Variants in RP1L1 observed in about 807,000 individuals in gnomAD.
RP1L1 encodes RP1 like 1, also known as retinitis pigmentosa 1-like 1 protein.
In RP1L1, 27 loss-of-function variants were observed where a neutral mutation model predicts 15.7. The ratio of observed to expected loss-of-function variants is 1.72; its 90% CI spans 1.27 to 2.38. The LOEUF (loss-of-function observed/expected upper bound fraction) is 2.38. RP1L1 is among the 30% of genes most tolerant of loss of function. The pLI is 0.00. For missense variants in RP1L1, 4,798 were observed against 3,075.9 expected (o/e 1.56, Z -13.24); for synonymous variants, 1,813 against 1,276.7 (o/e 1.42, Z -8.96).
chr8:10,653,270 G>A (rs1445118703), intron 1 of RP1L1, among the ~76,000 whole-genome samples: 1 of 152,198 alleles, frequency 6.6e-6, no homozygotes, highest in Non-Finnish European at 1.5e-5. Flanking sequence ...TGAGAAAGCT[G>A]TTGAACACTG....
At chr8:10,630,550 C>A (rs1447210048) in intron 1 of RP1L1, among the ~76,000 whole-genome samples, 2 of 152,210 alleles carry the variant, frequency 1.3e-5, no homozygotes, top group African/African-American at 4.8e-5. Context: ...GAGGGTTTCA[C>A]TTTCACTTTC....
chr8:10,621,651 G>T (rs1305601122), intron 2 of RP1L1: 6 of 460,950 alleles, frequency 1.3e-5, no homozygotes, highest in South Asian at 3.1e-5. Context: ...AGTATTGGTG[G>T]AATGGTGCAT....
At chr8:10,614,072 C>G (rs1245589902) in intron 3 of RP1L1, among the ~76,000 whole-genome samples, 1 of 152,204 alleles carries the variant, frequency 6.6e-6, no homozygotes, top group Admixed American at 6.5e-5. Context: ...CGAGAGATGG[C>G]AGACTTGGCA....
intron 1 of RP1L1, among the ~76,000 whole-genome samples, chr8:10,650,787 G>A (rs1320160529): frequency 1.3e-5 from 2 of 151,966 alleles, no homozygotes; most frequent in South Asian, 2.1e-4. Context: ...GGCTATTCTC[G>A]AACTCCTGAC....
rs1268740708 is a variant in RP1L1 at position 10,608,911 on chromosome 8, C to T, written c.5187G>A (p.Gly1729=). 6.2e-7 allele frequency: 1 copy of T among 1,614,076 alleles called. No homozygotes were observed. The highest frequency in any genetic ancestry group is 2.2e-5 in the East Asian group (1 of 44,864). The change falls in exon 4 of 4, where the codon GGG becomes GGA. Residue 1729 remains glycine (G), a synonymous_variant. Transcript: ENST00000382483. The part of the protein sequence containing the change: ...STRTVQGAEG[G]LGPGLSQGPG... The stretch of plus-strand genomic sequence containing the variant: ...GCCCCTGGCTCAGCCCCGGCCCCAG[C>T]CCTCCCTCAGCTCCCTGGACAGTCC...
chr8:10,630,096 C>T (rs964027539), intron 1 of RP1L1, among the ~76,000 whole-genome samples: 5 of 152,312 alleles, frequency 3.3e-5, no homozygotes, highest in Admixed American at 3.3e-4. Context: ...GTAGTCAAGT[C>T]AAGAGGGCTT....
At position 10,633,912 on chromosome 8, in the gene RP1L1, A is replaced by G. The variant is rs1348608298; in HGVS notation, c.-19-10692T>C. Among the ~76,000 whole-genome samples, 3 of 152,258 alleles carry G rather than the reference A, an allele frequency of 2.0e-5. 1 individual carries two copies. Among genetic ancestry groups the G allele is most frequent in the Admixed American group, 2.0e-4 (3 of 15,288 alleles). On this transcript the variant is annotated intron_variant, in intron 1 of 3. Transcript: ENST00000382483. ...GTTTTTCAGCTGAGAAAACCGATTG[A>G]CCGACGTGAGGGGAACCCAGGCTTC...
chr8:10,629,465 G>C (rs1414352213), intron 1 of RP1L1, among the ~76,000 whole-genome samples: 2 of 152,188 alleles, frequency 1.3e-5, no homozygotes, highest in Non-Finnish European at 2.9e-5. Context: ...GGGTGGTCCT[G>C]GTGGAACTGG....
chr8:10,620,174 C>T (rs2117219891), intron 2 of RP1L1, among the ~76,000 whole-genome samples: 1 of 152,300 alleles, frequency 6.6e-6, no homozygotes, highest in East Asian at 1.9e-4. Context: ...GCAAGCTATA[C>T]AGCGAATTCC....
chr8:10,648,820 T>A (rs1586004688), intron 1 of RP1L1, among the ~76,000 whole-genome samples: 1 of 152,216 alleles, frequency 6.6e-6, no homozygotes, highest in Admixed American at 6.5e-5. Context: ...GAATCAGACA[T>A]AATGTTCCCC....
Position 10,612,080 on chromosome 8 carries a change from T to C in RP1L1, c.2018A>G (p.Asp673Gly). The change falls in exon 4 of 4, where the codon GAC becomes GGC. Residue 673 changes from aspartate to glycine, a missense_variant. Asp to Gly is a moderately conservative substitution (Grantham distance 94). Transcript: ENST00000382483. ...GHPRHSHYRK[D>G]THSPLDSSVT... ...AGAGGAGTCCAGTGGGCTGTGGGTG[T>C]CCTTGCGGTAGTGAGAATGCCTGGG... 1.2e-6 allele frequency: 2 copies of C among 1,613,784 alleles called. No homozygotes were observed. Among genetic ancestry groups the C allele is most frequent in the Non-Finnish European group, 1.7e-6 (2 of 1,180,022 alleles).
At chr8:10,621,523 GC>G in intron 2 of RP1L1, 4 of 345,000 alleles carry the variant, frequency 1.2e-5, no homozygotes, top group South Asian at 8.8e-5. Context: ...ATAGGGTTTC[GC>G]CCTATTGGCC....
intron 1 of RP1L1, among the ~76,000 whole-genome samples, chr8:10,628,081 C>T (rs1382480886): frequency 6.6e-6 from 1 of 152,200 alleles, no homozygotes; most frequent in Non-Finnish European, 1.5e-5. Flanking sequence ...AACCCAGCTG[C>T]TTCTGGAGGT....
intron 1 of RP1L1, among the ~76,000 whole-genome samples, chr8:10,650,053 G>A (rs1408900797): frequency 6.6e-6 from 1 of 152,120 alleles, no homozygotes. Context: ...GCCAATGAGA[G>A]GATTCTGAGA....
At chr8:10,652,765 C>T (rs557812652) in intron 1 of RP1L1, among the ~76,000 whole-genome samples, 29 of 152,302 alleles carry the variant, frequency 1.9e-4, no homozygotes, top group African/African-American at 6.7e-4. Flanking sequence ...GCCCACGTCC[C>T]CCCTGATTCC....
chr8:10,608,568 C>T lies in RP1L1; in HGVS notation c.5530G>A (p.Ala1844Thr), dbSNP rs773601565. The change falls in exon 4 of 4, where the codon GCC (alanine) becomes ACC (threonine). Residue 1844 changes from alanine (A) to threonine (T), a missense_variant. Ala to Thr is a moderately conservative substitution (Grantham distance 58, BLOSUM62 0). Coordinates refer to ENST00000382483, the MANE Select transcript of RP1L1 (RefSeq NM_178857.6). ...GIEAPEAEGE[A>T]QPESEGVEAP... ...TCTACACCTTCTGACTCTGGCTGGG[C>T]CTCCCCTTCAGCCTCCGGGGCCTCT... The T allele has an allele frequency of 3.7e-6, 6 of 1,610,932 alleles. No homozygotes were observed. In the South Asian group the frequency reaches 6.6e-5, roughly 18 times the overall value.
At position 10,609,810 on chromosome 8, in the gene RP1L1, C is replaced by T. The variant is rs778932808; in HGVS notation, c.4288G>A (p.Glu1430Lys). Residue 1430 changes from glutamate to lysine, a missense_variant, in exon 4 of 4, where the codon GAG becomes AAG. Glu to Lys is a moderately conservative substitution (Grantham distance 56). Transcript: ENST00000382483. ...GAGGCAGAGGCTCTTCCTGCTTCCT[C>T]CTCCTGGACTGGGTCATCTTCCTGG... ...GSQEDDPVQE[E>K]EAGRASASAE... The T allele has an allele frequency of 3.7e-6, 6 of 1,614,102 alleles. No individual in the cohort carries two copies. Among genetic ancestry groups the T allele is most frequent in the Non-Finnish European group, 2.5e-6 (3 of 1,180,018 alleles).
chr8:10,639,857 C>T lies in RP1L1; in HGVS notation c.-20+15041G>A, dbSNP rs535495171. On this transcript the variant is annotated intron_variant, in intron 1 of 3. Coordinates refer to ENST00000382483, the MANE Select transcript of RP1L1 (RefSeq NM_178857.6). ...AACAAAAATGAAATGAAAAGTATTT[C>T]CAGAAGAAAGGACAAAGTTCCTCCA... 1.5e-3 allele frequency among the ~76,000 whole-genome samples: 225 copies of T among 152,248 alleles called. 2 individuals carry two copies. Among genetic ancestry groups the T allele is most frequent in the African/African-American group, 5.1e-3 (213 of 41,534 alleles).
At chr8:10,620,147 C>A (rs1798035555) in intron 2 of RP1L1, among the ~76,000 whole-genome samples, 1 of 152,148 alleles carries the variant, frequency 6.6e-6, no homozygotes, top group African/African-American at 2.4e-5. Context: ...CTTTCCATCC[C>A]AGCAGTTTTG....
Sources: gnomAD v4.1 joint callset for allele counts (sites outside exome capture counted in the v4.1 genomes callset) on GRCh38, gnomAD v4.1.1 for gene constraint, MANE v1.5 for transcripts, NCBI Gene and HGNC (gene_info 2026-07-23, HGNC 2026-07-21) for gene names.